Variants in PRKG1 observed in about 807,000 individuals in gnomAD.
PRKG1 encodes cGMP-dependent protein kinase 1.
In PRKG1, 35 loss-of-function variants were observed where a neutral mutation model predicts 88.1. The observed-to-expected ratio is 0.40, with a 90% CI of 0.30 to 0.53. The LOEUF (loss-of-function observed/expected upper bound fraction) is 0.53. PRKG1 is among the 20% of genes least tolerant of loss of function. The pLI is 0.59. For missense variants in PRKG1, 540 were observed against 839.8 expected (o/e 0.64, Z 4.41); for synonymous variants, 303 against 292.5 (o/e 1.04, Z -0.37).
At chr10:52,020,612 T>C (rs1845158575) in intron 5 of PRKG1, among the ~76,000 whole-genome samples, 1 of 152,110 alleles carries the variant, frequency 6.6e-6, no homozygotes, top group African/African-American at 2.4e-5. Context: ...TTAACCTTGA[T>C]CCTAGGACTT....
In PRKG1 at chr10:52,298,293, T is replaced by C. The variant is rs1212439744; in HGVS notation, c.*4393T>C. The C allele has an allele frequency of 1.3e-5, 2 of 151,658 alleles. No individual in the cohort carries two copies. 9.4% of individuals were successfully genotyped at this position (151,658 alleles called of 1,614,324 possible). ...TCTGTATTTTTCCTGCAGCTGTAAT[T>C]GCTGAGTGCCTGTTGTATACTTTAT... On this transcript the variant is annotated 3_prime_UTR_variant, in exon 18 of 18. Transcript: ENST00000373980.
At chr10:52,128,824 T>A (rs921884646) in intron 7 of PRKG1, among the ~76,000 whole-genome samples, 3 of 152,194 alleles carry the variant, frequency 2.0e-5, no homozygotes, top group Admixed American at 6.6e-5. Context: ...CAGAACTAGA[T>A]AAGCGTGAGA....
chr10:51,607,466 G>A (rs117287552), intron 3 of PRKG1, among the ~76,000 whole-genome samples: 4,012 of 152,262 alleles, frequency 0.026, 96 homozygotes, highest in Non-Finnish European at 0.041. Context: ...CTAGGTGAGA[G>A]GAAAAGGAAA....
At chr10:51,588,172 G>C (rs1047522194) in intron 3 of PRKG1, among the ~76,000 whole-genome samples, 1 of 152,156 alleles carries the variant, frequency 6.6e-6, no homozygotes, top group Non-Finnish European at 1.5e-5. Flanking sequence ...GAATCCTAAT[G>C]TATGTTAGCC....
At chr10:52,182,837 G>A (rs1051813494) in intron 9 of PRKG1, among the ~76,000 whole-genome samples, 5 of 151,906 alleles carry the variant, frequency 3.3e-5, no homozygotes, top group Admixed American at 1.3e-4. Context: ...GGTTACTGTA[G>A]CCTTGTAGTA....
intron 9 of PRKG1, among the ~76,000 whole-genome samples, chr10:52,193,022 G>T (rs1839405965): frequency 6.6e-6 from 1 of 151,932 alleles, no homozygotes; most frequent in Non-Finnish European, 1.5e-5. Flanking sequence ...ATTTTTAGTT[G>T]GCAGGAAGTG....
chr10:52,295,840 G>A lies in PRKG1; in HGVS notation c.*1940G>A, dbSNP rs1179724990. ...AAAATTTTGGAGGATAAAATGAAAAGGGTATAAACTTCAATTAGAACTTTA... is the reference window on the plus strand; with the variant it reads ...AAAATTTTGGAGGATAAAATGAAAAAGGTATAAACTTCAATTAGAACTTTA... On this transcript the variant is annotated 3_prime_UTR_variant, in exon 18 of 18. Coordinates refer to ENST00000373980, the MANE Select transcript of PRKG1 (RefSeq NM_006258.4). The A allele has an allele frequency of 6.6e-6, 1 of 151,766 alleles. No individual in the cohort carries two copies. The highest frequency in any genetic ancestry group is 2.4e-5 in the African/African-American group (1 of 41,362). The allele number at this position is 151,766 out of a possible 1,614,324, so 9.4% of individuals were successfully genotyped here. A position where few individuals can be genotyped will look rare whatever the true frequency, so the allele number is the denominator to read the frequency against.
At chr10:51,068,104 G>A (rs1843777652) in intron 1 of PRKG1, among the ~76,000 whole-genome samples, 1 of 152,002 alleles carries the variant, frequency 6.6e-6, no homozygotes, top group Non-Finnish European at 1.5e-5. Context: ...ATAATACGTG[G>A]CAATATCTTG....
intron 2 of PRKG1, among the ~76,000 whole-genome samples, chr10:51,363,428 C>A (rs961952296): frequency 1.3e-5 from 2 of 151,914 alleles, no homozygotes; most frequent in African/African-American, 2.4e-5. Context: ...TGATTCATTT[C>A]TTTGCCGAAC....
chr10:51,348,264 C>A (rs1460086419), intron 2 of PRKG1, among the ~76,000 whole-genome samples: 2 of 152,158 alleles, frequency 1.3e-5, no homozygotes, highest in African/African-American at 4.8e-5. Context: ...TGCCCTTAAA[C>A]CGATATGTGC....
intron 3 of PRKG1, chr10:51,698,721 G>C (rs1841377499): frequency 6.2e-7 from 1 of 1,614,118 alleles, no homozygotes; most frequent in African/African-American, 1.3e-5. Flanking sequence ...AAGGAACCAG[G>C]ACCAGCTCCG....
intron 4 of PRKG1, among the ~76,000 whole-genome samples, chr10:51,899,835 T>G (rs1841942361): frequency 6.6e-6 from 1 of 151,874 alleles, no homozygotes; most frequent in South Asian, 2.1e-4. Flanking sequence ...TGGGTTGTGT[T>G]GGATCATGCG....
At chr10:52,168,580 A>G (rs915547256) in intron 9 of PRKG1, among the ~76,000 whole-genome samples, 6 of 152,176 alleles carry the variant, frequency 3.9e-5, no homozygotes, top group Non-Finnish European at 7.3e-5. Context: ...GAGTTGGTTT[A>G]TATTAAAACT....
chr10:51,227,783 C>T (rs1365966135), intron 2 of PRKG1, among the ~76,000 whole-genome samples: 5 of 152,190 alleles, frequency 3.3e-5, no homozygotes, highest in Admixed American at 3.3e-4. Context: ...TAAAGCATCC[C>T]TGTGACTGGG....
chr10:51,727,566 T>C (rs961872252), intron 3 of PRKG1, among the ~76,000 whole-genome samples: 1 of 152,214 alleles, frequency 6.6e-6, no homozygotes, highest in Non-Finnish European at 1.5e-5. Context: ...AATGTTTTGC[T>C]TTGGCCATTA....
chr10:51,512,422 C>T (rs1841445077), intron 3 of PRKG1, among the ~76,000 whole-genome samples: 1 of 140,254 alleles, frequency 7.1e-6, no homozygotes, highest in South Asian at 2.4e-4. Context: ...TCAATTTCCA[C>T]CTATGAGTGA....
chr10:51,923,587 C>A (rs2879627), intron 5 of PRKG1, among the ~76,000 whole-genome samples: 24,708 of 150,308 alleles, frequency 0.16, 2,811 homozygotes, highest in East Asian at 0.51. Flanking sequence ...CTTGAGTTTG[C>A]AACATACCAC....
intron 3 of PRKG1, among the ~76,000 whole-genome samples, chr10:51,535,216 CT>C: frequency 6.6e-6 from 1 of 152,152 alleles, no homozygotes; most frequent in East Asian, 1.9e-4. Flanking sequence ...GTGGTGTGTT[CT>C]CAAAATAAAA....
intron 3 of PRKG1, among the ~76,000 whole-genome samples, chr10:51,634,641 G>A (rs1231778680): frequency 2.0e-5 from 3 of 152,010 alleles, no homozygotes; most frequent in Admixed American, 2.0e-4. Context: ...CTTAAGAATC[G>A]ACTTTACACT....
Sources: allele counts gnomAD v4.1 joint callset (sites outside exome capture counted in the v4.1 genomes callset), GRCh38; gene constraint gnomAD v4.1.1; transcripts MANE v1.5; gene names NCBI Gene and HGNC (gene_info 2026-07-23, HGNC 2026-07-21).